The following ZMYM6 variants were observed in gnomAD, a reference collection of about 807,000 sequenced individuals.
The protein encoded by ZMYM6 is zinc finger MYM-type protein 6.
Under a neutral mutation model 134.0 loss-of-function variants are expected in ZMYM6, and 90 were observed. That is an observed-to-expected ratio of 0.67 (90% CI 0.57 to 0.80). The LOEUF (loss-of-function observed/expected upper bound fraction) is 0.80, where lower values mean the gene tolerates loss of function less well. Ranked by LOEUF, ZMYM6 falls within the 30% of genes least tolerant of loss-of-function variation. The pLI, the probability that ZMYM6 is intolerant of heterozygous loss-of-function variation, is 0.00. For synonymous variants in ZMYM6, 481 were observed against 524.1 expected (o/e 0.92, Z 1.12); for missense variants, 1,362 against 1,533.9 (o/e 0.89, Z 1.87).
chr1:35,015,887 T>C (rs1641177822), intron 4 of ZMYM6, among the ~76,000 whole-genome samples: 2 of 150,898 alleles, frequency 1.3e-5, no homozygotes, highest in Admixed American at 1.3e-4. Context: ...GGTTCTCTCA[T>C]TAGCCAGAGG....
chr1:35,014,855 G>A lies in ZMYM6; in HGVS notation c.637C>T (p.His213Tyr), dbSNP rs138190908. ...RFEVKYQNVV[H>Y]GLCSDACFSK... ...AAACAGGCATCACTACAAAGACCAT[G>A]TACCACATTTTGATATTTAACTTCA... is the stretch of plus-strand genomic sequence containing the variant. Residue 213 changes from histidine to tyrosine, a missense_variant, in exon 6 of 16, where the codon CAT becomes TAT. Physicochemically the swap from His to Tyr is moderately conservative, Grantham distance 83 (BLOSUM62 2). Around this residue, in one of 3 missense-constraint regions of ZMYM6, gnomAD observed 503 missense variants for 520.8 expected, o/e 0.97. Transcript: ENST00000357182. The A allele has an allele frequency of 1.3e-4, 210 of 1,613,988 alleles. No homozygotes were observed. Among genetic ancestry groups the A allele is most frequent in the Non-Finnish European group, 1.6e-4 (192 of 1,180,034 alleles).
chr1:35,015,207 A>T, intron 4 of ZMYM6, 45 bp from the exon 5 acceptor site: 4 of 1,495,812 alleles, frequency 2.7e-6, no homozygotes, highest in Non-Finnish European at 3.6e-6. Flanking sequence ...ATTCTTCACA[A>T]CTGTAACTTC....
At chr1:35,012,049 G>T in intron 7 of ZMYM6, 44 bp from the exon 8 acceptor site, 2 of 1,205,832 alleles carry the variant, frequency 1.7e-6, no homozygotes, top group Non-Finnish European at 1.2e-6. Context: ...TTATACCAAT[G>T]AACAAACAAT....
Position 34,988,388 on chromosome 1 carries a change from C to G in ZMYM6, c.2694G>C (p.Leu898=). The G allele has an allele frequency of 6.4e-7, 1 of 1,551,636 alleles. No homozygotes were observed. The highest frequency in any genetic ancestry group is 1.4e-5 in the African/African-American group (1 of 73,180). Residue 898 remains leucine (L), a synonymous_variant, in exon 16 of 16, where the codon CTG becomes CTC. Coordinates refer to ENST00000357182, the MANE Select transcript of ZMYM6 (RefSeq NM_007167.4). ...DELSADIEDQ[L]IQKVRESKWF... ...ACTTTGACTCTCTGACCTTTTGAAT[C>G]AGCTGGTCTTCAATGTCTGCAGATA...
intron 6 of ZMYM6, chr1:35,013,761 A>AG: frequency 2.8e-6 from 2 of 726,864 alleles, no homozygotes; most frequent in Non-Finnish European, 3.4e-6. Flanking sequence ...GCACAATCTC[A>AG]GCTCACTGCA....
chr1:35,009,153 C>T (rs1016028365), intron 10 of ZMYM6, among the ~76,000 whole-genome samples: 2 of 152,186 alleles, frequency 1.3e-5, no homozygotes, highest in African/African-American at 4.8e-5. Context: ...GGCTGGAGTG[C>T]AGTGGCACAA....
intron 2 of ZMYM6, among the ~76,000 whole-genome samples, chr1:35,026,860 C>A (rs778394213): frequency 1.3e-4 from 20 of 151,976 alleles, no homozygotes; most frequent in Non-Finnish European, 1.9e-4. Flanking sequence ...AGATTCAGGT[C>A]AATAAGACCA....
At chr1:35,020,809 G>C (rs993885794) in intron 2 of ZMYM6, among the ~76,000 whole-genome samples, 4 of 152,032 alleles carry the variant, frequency 2.6e-5, no homozygotes, top group Non-Finnish European at 2.9e-5. Context: ...CTGACCTTGT[G>C]ATCTACCCAC....
intron 4 of ZMYM6, chr1:35,017,797 T>C (rs1641231782): frequency 6.6e-6 from 1 of 152,186 alleles, no homozygotes; most frequent in African/African-American, 2.4e-5. Flanking sequence ...AGAATCTGTC[T>C]CCTAACCTTA....
intron 14 of ZMYM6, 126 bp from the exon 15 acceptor site, chr1:34,992,513 G>C (rs1640695355): frequency 9.4e-7 from 1 of 1,061,576 alleles, no homozygotes; most frequent in African/African-American, 1.7e-5. Context: ...AAGAGTGGTT[G>C]CAATAAAAAA....
intron 2 of ZMYM6, among the ~76,000 whole-genome samples, chr1:35,025,755 G>A (rs1457074173): frequency 1.3e-5 from 2 of 152,088 alleles, no homozygotes; most frequent in African/African-American, 4.8e-5. Context: ...AAGGGTTTGG[G>A]CTCTTGAATC....
intron 6 of ZMYM6, chr1:35,013,785 G>A (rs377460427): frequency 4.5e-5 from 24 of 529,372 alleles, no homozygotes; most frequent in African/African-American, 6.2e-5. Context: ...TCCACCTCCC[G>A]GGTTCAAGCA....
At chr1:35,012,905 A>G (rs7543351) in intron 6 of ZMYM6, 1 of 985,082 alleles carries the variant, frequency 1.0e-6, no homozygotes, top group Middle Eastern at 5.2e-4. Context: ...CATGAACCAA[A>G]GGGTCATTCT....
intron 14 of ZMYM6, among the ~76,000 whole-genome samples, chr1:34,997,622 T>C (rs927998212): frequency 2.6e-5 from 4 of 152,182 alleles, no homozygotes; most frequent in African/African-American, 7.2e-5. Context: ...GCTCTTTACA[T>C]ATTAAAAAAC....
rs1170787250 is a variant in ZMYM6 at position 35,030,070 on chromosome 1, A to G, written c.93+477T>C. 5 of 153,666 alleles carry G rather than the reference A, an allele frequency of 3.3e-5. No individual in the cohort carries two copies. In the Admixed American group the frequency reaches 3.3e-4, roughly 10 times the overall value. The allele number at this position is 153,666 out of a possible 1,614,324, so 9.5% of individuals were successfully genotyped here. On this transcript the variant is annotated intron_variant, in intron 2 of 15. Transcript: ENST00000357182. ...TTTTTTTTAAGTGACAAGTATGGAAAAATGGTAAATATATTACTTTCCTTC... is the reference window on the plus strand; with the variant it reads ...TTTTTTTTAAGTGACAAGTATGGAAGAATGGTAAATATATTACTTTCCTTC...
At position 35,019,417 on chromosome 1, in the gene ZMYM6, T is replaced by C. The variant is rs1475395440; in HGVS notation, c.364A>G (p.Thr122Ala). The change falls in exon 4 of 16, where the codon ACC becomes GCC. Residue 122 changes from threonine to alanine, a missense_variant. Transcript: ENST00000357182. ...TQLFCSTRCITRHSSPACLPP... is the reference protein window; with the variant it reads ...TQLFCSTRCIARHSSPACLPP... ...AGGCAGGCAGGTGAAGAATGTCTGG[T>C]GATGCATCGTGTGGAGCAGAAGAGC... 4 of 1,614,074 alleles carry C rather than the reference T, an allele frequency of 2.5e-6. No homozygotes were observed. Among genetic ancestry groups the C allele is most frequent in the South Asian group, 2.2e-5 (2 of 91,094 alleles).
intron 6 of ZMYM6, 57 bp downstream of exon 6, chr1:35,014,640 G>A (rs1381196364): frequency 6.5e-7 from 1 of 1,543,466 alleles, no homozygotes; most frequent in African/African-American, 1.4e-5. Flanking sequence ...GTTCATCCCT[G>A]TGCAGCCAAA....
intron 14 of ZMYM6, among the ~76,000 whole-genome samples, chr1:34,994,322 G>C (rs1487461799): frequency 6.6e-6 from 1 of 152,212 alleles, no homozygotes; most frequent in East Asian, 1.9e-4. Context: ...TGATGGCATG[G>C]AGGAGGGGCA....
rs1640605781 is a variant in ZMYM6, at chr1:34,988,162, G to C, written c.2920C>G (p.His974Asp). The stretch of plus-strand genomic sequence containing the variant: ...CCATCGGTACAGAGACCAACACAAT[G>C]TTTCCAATTCAGAGATTTACTATCA... ...YIDSKSLNWK[H>D]CVGLCTDGAA... Residue 974 changes from histidine to aspartate, a missense_variant, in exon 16 of 16, where the codon CAT (histidine) becomes GAT (aspartate). Around this residue, in one of 3 missense-constraint regions of ZMYM6, gnomAD observed 824 missense variants for 940.9 expected, o/e 0.88. Transcript: ENST00000357182. The C allele has an allele frequency of 6.5e-7, 1 of 1,550,336 alleles. No homozygotes were observed. The highest frequency in any genetic ancestry group is 2.0e-5 in the Admixed American group (1 of 50,882).
Sources: allele counts gnomAD v4.1 joint callset (sites outside exome capture counted in the v4.1 genomes callset), GRCh38; gene constraint gnomAD v4.1.1; regional missense constraint gnomAD v4.1.1; transcripts MANE v1.5; gene names NCBI Gene and HGNC (gene_info 2026-07-23, HGNC 2026-07-21).